Variants in DLG2 observed in about 807,000 individuals in gnomAD.
The protein encoded by DLG2 is disks large homolog 2.
In DLG2, 45 loss-of-function variants were observed where a neutral mutation model predicts 132.5. The ratio of observed to expected loss-of-function variants is 0.34; its 90% CI spans 0.27 to 0.44. The LOEUF is 0.44. Ranked by LOEUF, DLG2 falls within the 20% of genes least tolerant of loss-of-function variation. DLG2 has a pLI of 1.00. For synonymous variants in DLG2, 424 were observed against 419.6 expected (o/e 1.01, Z -0.13); for missense variants, 1,045 against 1,196.9 (o/e 0.87, Z 1.87).
intron 19 of DLG2, among the ~76,000 whole-genome samples, chr11:83,628,494 A>G (rs2063003626): frequency 6.6e-6 from 1 of 152,186 alleles, no homozygotes. Flanking sequence ...TCGTGGGGGA[A>G]TCATTTAACT....
chr11:83,784,813 C>G (rs1024090033), intron 18 of DLG2, among the ~76,000 whole-genome samples: 7 of 152,100 alleles, frequency 4.6e-5, no homozygotes, highest in African/African-American at 1.7e-4. Flanking sequence ...AATTGCTTAT[C>G]TATGATTCTA....
intron 6 of DLG2, among the ~76,000 whole-genome samples, chr11:84,571,296 C>G (rs1185435180): frequency 6.6e-6 from 1 of 151,578 alleles, no homozygotes; most frequent in Non-Finnish European, 1.5e-5. Flanking sequence ...CTCTTCATTT[C>G]CATCTCTTTC....
intron 6 of DLG2, among the ~76,000 whole-genome samples, chr11:84,823,098 T>C (rs1157870770): frequency 6.6e-6 from 1 of 151,886 alleles, no homozygotes; most frequent in Non-Finnish European, 1.5e-5. Context: ...GTTCAATAAA[T>C]ATAAGTTCTA....
intron 3 of DLG2, among the ~76,000 whole-genome samples, chr11:85,473,377 A>G (rs562150381): frequency 9.1e-4 from 138 of 152,352 alleles, no homozygotes; most frequent in African/African-American, 3.2e-3. Flanking sequence ...GCCCAGTTAA[A>G]TAATTATTCA....
intron 18 of DLG2, among the ~76,000 whole-genome samples, chr11:83,761,396 T>C (rs188467166): frequency 1.4e-4 from 21 of 152,372 alleles, no homozygotes; most frequent in African/African-American, 4.3e-4. Context: ...TATTAGTGGT[T>C]CCTTGCCAGT....
intron 7 of DLG2, among the ~76,000 whole-genome samples, 193 bp from the exon 8 acceptor site, chr11:84,251,484 C>A (rs2097370998): frequency 6.6e-6 from 1 of 152,000 alleles, no homozygotes; most frequent in African/African-American, 2.4e-5. Context: ...ATATTTGTTA[C>A]ATTTACCACA....
At chr11:83,753,868 TATATATG>T (rs1331618058) in intron 18 of DLG2, among the ~76,000 whole-genome samples, 5 of 85,682 alleles carry the variant, frequency 5.8e-5, no homozygotes, top group Non-Finnish European at 9.8e-5. Flanking sequence ...ATATATTTCA[TATATATG>T]ATATATATCA....
At chr11:84,882,447 T>A (rs1222296334) in intron 6 of DLG2, among the ~76,000 whole-genome samples, 1 of 152,042 alleles carries the variant, frequency 6.6e-6, no homozygotes, top group Non-Finnish European at 1.5e-5. Flanking sequence ...GTTCAGGGCA[T>A]GAACACTTAC....
At chr11:85,380,720 T>A (rs1038843912) in intron 3 of DLG2, among the ~76,000 whole-genome samples, 1 of 152,186 alleles carries the variant, frequency 6.6e-6, no homozygotes, top group African/African-American at 2.4e-5. Flanking sequence ...AGAAGCATCA[T>A]AACTAGTTAA....
intron 6 of DLG2, chr11:85,021,727 G>A: frequency 1.4e-6 from 1 of 721,036 alleles, no homozygotes; most frequent in East Asian, 2.8e-5. Flanking sequence ...TAGGAGTGAG[G>A]AGGGAGAAGA....
intron 7 of DLG2, among the ~76,000 whole-genome samples, chr11:84,486,067 C>CA (rs974859543): frequency 1.6e-4 from 24 of 152,230 alleles, no homozygotes; most frequent in African/African-American, 5.8e-4. Context: ...CCTTTTTCCA[C>CA]AATCTATTGG....
At chr11:85,342,198 C>T (rs148157430) in intron 3 of DLG2, among the ~76,000 whole-genome samples, 1 of 152,284 alleles carries the variant, frequency 6.6e-6, no homozygotes, top group African/African-American at 2.4e-5. Flanking sequence ...ATTTTTTAAA[C>T]ATTTTTACTC....
intron 6 of DLG2, among the ~76,000 whole-genome samples, chr11:85,082,325 A>G (rs2067341558): frequency 6.6e-6 from 1 of 152,180 alleles, no homozygotes; most frequent in Admixed American, 6.5e-5. Flanking sequence ...GAGGAGGGAA[A>G]GAAAAAAATG....
intron 3 of DLG2, among the ~76,000 whole-genome samples, chr11:85,493,414 C>T (rs542293175): frequency 6.6e-6 from 1 of 152,246 alleles, no homozygotes; most frequent in South Asian, 2.1e-4. Context: ...ATGTCACCTT[C>T]TAAAGAGGAC....
intron 19 of DLG2, among the ~76,000 whole-genome samples, chr11:83,553,483 CGTGTGTGTGT>C (rs71959561): frequency 0.27 from 38,417 of 143,570 alleles, 5,741 homozygotes; most frequent in Admixed American, 0.43. Context: ...AAGTAAGCAC[CGTGTGTGTGT>C]GTGTGTGTGT....
At chr11:84,781,266 A>G (rs1051293485) in intron 6 of DLG2, among the ~76,000 whole-genome samples, 7 of 152,098 alleles carry the variant, frequency 4.6e-5, no homozygotes, top group Non-Finnish European at 1.0e-4. Context: ...ATACTTCTGG[A>G]GAATATAATT....
chr11:84,679,760 A>G (rs977600755), intron 6 of DLG2, among the ~76,000 whole-genome samples: 4 of 152,152 alleles, frequency 2.6e-5, no homozygotes, highest in African/African-American at 9.7e-5. Context: ...ATAGATTAAG[A>G]AACTGAGATG....
intron 3 of DLG2, among the ~76,000 whole-genome samples, chr11:85,583,302 A>G (rs747159804): frequency 1.3e-5 from 2 of 150,348 alleles, no homozygotes; most frequent in African/African-American, 2.5e-5. Context: ...AGAAGTTAGA[A>G]CAACACACAT....
intron 6 of DLG2, among the ~76,000 whole-genome samples, chr11:84,708,529 C>T (rs1050973498): frequency 1.1e-4 from 17 of 151,740 alleles, no homozygotes; most frequent in Non-Finnish European, 2.2e-4. Flanking sequence ...TATTTATCTA[C>T]AGCCACATTT....
Sources: allele counts gnomAD v4.1 joint callset (sites outside exome capture counted in the v4.1 genomes callset), GRCh38; gene constraint gnomAD v4.1.1; transcripts MANE v1.5; gene names NCBI Gene and HGNC (gene_info 2026-07-23, HGNC 2026-07-21).